The following NRG3 variants were observed in gnomAD, a reference collection of about 807,000 sequenced individuals.
NRG3 encodes the protein neuregulin 3, also known as pro-neuregulin-3, membrane-bound isoform.
NRG3 carries 31 observed loss-of-function variants against 66.9 expected under a neutral mutation model. That is an observed-to-expected ratio of 0.46 (90% confidence interval 0.35 to 0.63). NRG3 has a LOEUF of 0.63. Among genes scored for constraint, NRG3 ranks in the 20% least tolerant of loss-of-function variants. The pLI, the probability that NRG3 is intolerant of heterozygous loss-of-function variation, is 0.00. For synonymous variants in NRG3, 393 were observed against 359.4 expected, an observed-to-expected ratio of 1.09 and a Z score of -1.06; for missense variants, 910 against 878.9, an observed-to-expected ratio of 1.04 and a Z score of -0.45.
chr10:82,682,435 A>AGATG (rs980169367), intron 2 of NRG3, among the ~76,000 whole-genome samples: 5 of 151,560 alleles, frequency 3.3e-5, no homozygotes, highest in Admixed American at 2.6e-4. Flanking sequence ...ATAGATAGAT[A>AGATG]GATAATAGAT....
At chr10:82,059,730 C>G (rs1240148783) in intron 1 of NRG3, among the ~76,000 whole-genome samples, 1 of 152,116 alleles carries the variant, frequency 6.6e-6, no homozygotes, top group Non-Finnish European at 1.5e-5. Context: ...CATCCTACAC[C>G]AGGATGGATT....
chr10:82,418,937 A>G, intron 2 of NRG3, among the ~76,000 whole-genome samples: 1 of 152,088 alleles, frequency 6.6e-6, no homozygotes, highest in East Asian at 1.9e-4. Context: ...TTTCCTGAAG[A>G]TTTACTGAGC....
chr10:82,221,704 G>A (rs12412408), intron 1 of NRG3, among the ~76,000 whole-genome samples: 6,144 of 152,206 alleles, frequency 0.04, 441 homozygotes, highest in Admixed American at 0.16. Context: ...TTTCATGTAG[G>A]TGCTATAGAA....
chr10:82,808,700 A>C (rs1039077), intron 3 of NRG3, among the ~76,000 whole-genome samples: 1,671 of 152,334 alleles, frequency 0.011, 29 homozygotes, highest in African/African-American at 0.034. Flanking sequence ...GTTTTAAATC[A>C]AACCCGGAAT....
chr10:81,971,709 G>C (rs1288510076), intron 1 of NRG3, among the ~76,000 whole-genome samples: 1 of 152,220 alleles, frequency 6.6e-6, no homozygotes, highest in Non-Finnish European at 1.5e-5. Context: ...AGCACAGGGA[G>C]GAGAACCCAG....
At chr10:82,570,631 G>T (rs682233) in intron 2 of NRG3, among the ~76,000 whole-genome samples, 12,799 of 151,462 alleles carry the variant, frequency 0.085, 626 homozygotes, top group East Asian at 0.15. Context: ...GGCATGATTT[G>T]ACCTTCAAGG....
intron 1 of NRG3, among the ~76,000 whole-genome samples, chr10:82,091,082 C>T (rs1190575563): frequency 1.3e-5 from 2 of 151,750 alleles, no homozygotes; most frequent in African/African-American, 2.4e-5. Flanking sequence ...TTAATTTCTC[C>T]TGAGGCAAAA....
At chr10:82,262,702 G>A (rs10509449) in intron 1 of NRG3, among the ~76,000 whole-genome samples, 17,755 of 152,154 alleles carry the variant, frequency 0.12, 2,258 homozygotes, top group African/African-American at 0.3. Flanking sequence ...CATAGGTGGG[G>A]ATATTTTAAT....
intron 3 of NRG3, among the ~76,000 whole-genome samples, chr10:82,774,814 C>CTTTTTTTTTTTTTTTTTTTTTTTTTT (rs752687809): frequency 8.9e-6 from 1 of 112,060 alleles, no homozygotes; most frequent in African/African-American, 4.0e-5. Context: ...TTTCCTTTTT[C>CTTTTTTTTTTTTTTTTTTTTTTTTTT]TTTTTTCTTT....
intron 1 of NRG3, among the ~76,000 whole-genome samples, chr10:82,356,626 A>G (rs1408153064): frequency 3.3e-5 from 5 of 152,208 alleles, no homozygotes; most frequent in Non-Finnish European, 7.3e-5. Flanking sequence ...ACAAGCAGAT[A>G]TTTTGAAATG....
At chr10:81,911,008 C>T (rs1845086966) in intron 1 of NRG3, among the ~76,000 whole-genome samples, 1 of 152,134 alleles carries the variant, frequency 6.6e-6, no homozygotes, top group Non-Finnish European at 1.5e-5. Context: ...GTAGGTAAAG[C>T]CAGGTTATTC....
At chr10:82,471,131 C>T (rs754554917) in intron 2 of NRG3, among the ~76,000 whole-genome samples, 3 of 151,994 alleles carry the variant, frequency 2.0e-5, no homozygotes, top group Non-Finnish European at 2.9e-5. Context: ...ACAGACACTT[C>T]GAAGGGTGAG....
chr10:82,606,590 A>G (rs1459382838), intron 2 of NRG3, among the ~76,000 whole-genome samples: 1 of 152,146 alleles, frequency 6.6e-6, no homozygotes, highest in Admixed American at 6.6e-5. Flanking sequence ...TGAAAACACC[A>G]GCACAAGGTT....
At chr10:82,517,645 TTG>T (rs58746808) in intron 2 of NRG3, among the ~76,000 whole-genome samples, 22,917 of 144,218 alleles carry the variant, frequency 0.16, 1,893 homozygotes, top group South Asian at 0.25. Flanking sequence ...CCGTGTGTGT[TTG>T]TGTGTGTGTG....
chr10:82,122,557 C>G lies in NRG3; in HGVS notation c.824-236182C>G, dbSNP rs1168013231. 2.6e-5 allele frequency among the ~76,000 whole-genome samples: 4 copies of G among 152,134 alleles called. No individual in the cohort carries two copies. The East Asian group carries it at 7.7e-4, about 29-fold the overall frequency. ...GTTGAATTCTTTCTCTCTCCTGCCT[C>G]AGATCCTCAGGTGACATTGCACAAG... On this transcript the variant is annotated intron_variant, in intron 1 of 8. Coordinates refer to ENST00000372141, the MANE Select transcript of NRG3 (RefSeq NM_001010848.4).
chr10:81,954,726 T>C (rs1000882498), intron 1 of NRG3, among the ~76,000 whole-genome samples: 3 of 152,108 alleles, frequency 2.0e-5, no homozygotes, highest in Non-Finnish European at 2.9e-5. Context: ...TTAGGCATTG[T>C]AGACATTTGT....
At position 82,985,930 on chromosome 10, in the gene NRG3, C is replaced by T. The variant is rs1853405383; in HGVS notation, c.*325C>T. 1 of 201,694 alleles carries T rather than the reference C, an allele frequency of 5.0e-6. No individual in the cohort carries two copies. Among genetic ancestry groups the T allele is most frequent in the African/African-American group, 2.4e-5 (1 of 42,432 alleles). 12.5% of individuals were successfully genotyped at this position (201,694 alleles called of 1,614,324 possible). Reference sequence around the variant, plus strand: ...ACAGTGCCAGTGTCTCATTAAAAAACACTGGCAGTTACCTGGTTTCAAAAA... The same window carrying T: ...ACAGTGCCAGTGTCTCATTAAAAAATACTGGCAGTTACCTGGTTTCAAAAA... On this transcript the variant is annotated 3_prime_UTR_variant, in exon 9 of 9. Transcript: ENST00000372141.
At chr10:82,135,063 T>C (rs1590240215) in intron 1 of NRG3, among the ~76,000 whole-genome samples, 1 of 149,950 alleles carries the variant, frequency 6.7e-6, no homozygotes, top group South Asian at 2.1e-4. Flanking sequence ...GAGGTGGAGG[T>C]TGCAGTGAGC....
At chr10:82,685,471 A>T (rs2134158234) in intron 2 of NRG3, among the ~76,000 whole-genome samples, 1 of 152,306 alleles carries the variant, frequency 6.6e-6, no homozygotes, top group African/African-American at 2.4e-5. Context: ...AAAGACTGGA[A>T]GTTGCCCTGG....
Sources: allele counts gnomAD v4.1 joint callset (sites outside exome capture counted in the v4.1 genomes callset), GRCh38; gene constraint gnomAD v4.1.1; transcripts MANE v1.5; gene names NCBI Gene and HGNC (gene_info 2026-07-23, HGNC 2026-07-21).